The following CRADD variants were observed in gnomAD, a reference collection of about 807,000 sequenced individuals.
CRADD encodes the protein death domain-containing protein CRADD.
CRADD carries 9 observed loss-of-function variants against 15.5 expected under a neutral mutation model. The ratio of observed to expected loss-of-function variants is 0.58; its 90% CI spans 0.35 to 1.01. The LOEUF (loss-of-function observed/expected upper bound fraction) is 1.01. Ranked by LOEUF, CRADD falls within the 50% of genes least tolerant of loss-of-function variation. The pLI, the probability that CRADD is intolerant of heterozygous loss-of-function variation, is 0.02. For synonymous variants in CRADD, 118 were observed against 107.6 expected (o/e 1.10, Z -0.60); for missense variants, 227 against 250.3 (o/e 0.91, Z 0.63).
At chr12:93,702,044 C>A (rs896693991) in intron 2 of CRADD, among the ~76,000 whole-genome samples, 2 of 151,988 alleles carry the variant, frequency 1.3e-5, no homozygotes, top group Admixed American at 6.6e-5. Context: ...TTATCTAACG[C>A]TTCCCTAGCT....
rs145896698 is a variant in CRADD, at chr12:93,839,329, T to C, written c.299-10641T>C. ...TGTAGGAATTTTCCTGAGATGGAGA[T>C]ATCTATACCTATATCTATATCTCCC... On this transcript the variant is annotated intron_variant, in intron 2 of 2. Transcript: ENST00000332896. Among the ~76,000 whole-genome samples the C allele has an allele frequency of 2.9e-3, 440 of 152,340 alleles. 4 individuals are homozygous for C. The highest frequency in any genetic ancestry group is 9.9e-3 in the African/African-American group (412 of 41,590).
At chr12:93,714,291 T>C (rs1315079857) in intron 2 of CRADD, among the ~76,000 whole-genome samples, 1 of 152,196 alleles carries the variant, frequency 6.6e-6, no homozygotes, top group Non-Finnish European at 1.5e-5. Context: ...CTTGATGAAA[T>C]TGGGCAAAGG....
intron 2 of CRADD, among the ~76,000 whole-genome samples, chr12:93,743,462 C>G (rs1225304454): frequency 1.3e-5 from 2 of 152,082 alleles, no homozygotes; most frequent in African/African-American, 4.8e-5. Flanking sequence ...CTCCCCAGCA[C>G]CTGGGACCAC....
intron 2 of CRADD, among the ~76,000 whole-genome samples, chr12:93,828,889 G>T (rs1192823974): frequency 6.6e-6 from 1 of 152,138 alleles, no homozygotes; most frequent in African/African-American, 2.4e-5. Flanking sequence ...TTGATTGGAA[G>T]TCATTTTGAT....
chr12:93,875,895 C>T (rs917544544), intron 2 of CRADD, among the ~76,000 whole-genome samples: 15 of 152,030 alleles, frequency 9.9e-5, no homozygotes, highest in Admixed American at 2.0e-4. Context: ...GCGTACTTAC[C>T]ATTACCAGTG....
chr12:93,863,316 G>A (rs1336769818), intron 2 of CRADD, among the ~76,000 whole-genome samples: 2 of 152,286 alleles, frequency 1.3e-5, no homozygotes, highest in East Asian at 3.9e-4. Flanking sequence ...TCTGCGGTCT[G>A]TCCCCACGCT....
At position 93,788,238 on chromosome 12, in the gene CRADD, G is replaced by A. The variant is rs73363160; in HGVS notation, c.299-61732G>A. 1.9e-3 allele frequency among the ~76,000 whole-genome samples: 284 copies of A among 152,292 alleles called. 1 individual carries two copies. Among genetic ancestry groups the A allele is most frequent in the African/African-American group, 5.8e-3 (242 of 41,566 alleles). On this transcript the variant is annotated intron_variant, in intron 2 of 2. Coordinates refer to ENST00000332896, the MANE Select transcript of CRADD (RefSeq NM_003805.5). The stretch of plus-strand genomic sequence containing the variant: ...TATGGTGGAAGGCACCTCTTCACAA[G>A]GTGGCAGGAGAGAGAATGAGTACCC...
At chr12:93,812,638 T>A (rs912183487) in intron 2 of CRADD, among the ~76,000 whole-genome samples, 1 of 152,254 alleles carries the variant, frequency 6.6e-6, no homozygotes, top group Non-Finnish European at 1.5e-5. Flanking sequence ...AAAATCCAGC[T>A]GGTTGCTAAA....
intron 2 of CRADD, among the ~76,000 whole-genome samples, chr12:93,877,994 C>T (rs144428116): frequency 1.8e-4 from 27 of 152,254 alleles, no homozygotes; most frequent in African/African-American, 5.5e-4. Flanking sequence ...AGAGGCCCAC[C>T]CAAGGCCCCC....
At chr12:93,809,301 C>T (rs1957591906) in intron 2 of CRADD, among the ~76,000 whole-genome samples, 1 of 151,982 alleles carries the variant, frequency 6.6e-6, no homozygotes, top group African/African-American at 2.4e-5. Context: ...GAAAATACAC[C>T]AGGTTTATTC....
chr12:93,706,650 C>T (rs1228010654), intron 2 of CRADD, among the ~76,000 whole-genome samples: 1 of 152,076 alleles, frequency 6.6e-6, no homozygotes, highest in African/African-American at 2.4e-5. Flanking sequence ...GGTAAAACTG[C>T]CTACTCATTT....
intron 2 of CRADD, among the ~76,000 whole-genome samples, chr12:93,751,016 A>T (rs1956822815): frequency 6.6e-6 from 1 of 152,212 alleles, no homozygotes; most frequent in South Asian, 2.1e-4. Context: ...CACTGAACTG[A>T]CCTGGTAACT....
chr12:93,844,042 G>C (rs1319999564), intron 2 of CRADD, among the ~76,000 whole-genome samples: 1 of 152,078 alleles, frequency 6.6e-6, no homozygotes, highest in Non-Finnish European at 1.5e-5. Flanking sequence ...ATTTTTAACT[G>C]ACTTTTAAGT....
chr12:93,875,378 G>A (rs1006722426), intron 2 of CRADD, among the ~76,000 whole-genome samples: 3 of 151,896 alleles, frequency 2.0e-5, no homozygotes, highest in Non-Finnish European at 4.4e-5. Flanking sequence ...TTTGATTGGG[G>A]AGTTTAGTCT....
At chr12:93,712,184 A>G (rs1050550987) in intron 2 of CRADD, among the ~76,000 whole-genome samples, 3 of 152,192 alleles carry the variant, frequency 2.0e-5, no homozygotes, top group African/African-American at 7.2e-5. Flanking sequence ...AAAGAGGTAC[A>G]TACTTCGTAG....
chr12:93,692,071 C>T lies in CRADD; in HGVS notation c.298+12999C>T, dbSNP rs150785454. 4.1e-4 allele frequency among the ~76,000 whole-genome samples: 62 copies of T among 151,380 alleles called. No individual in the cohort carries two copies. In the East Asian group the frequency reaches 8.9e-3, roughly 22 times the overall value. ...AAAAATTAAAATTAAATTCTGGAGC[C>T]GAAATAAAAATTAATGGACTGAAAA... is the stretch of plus-strand genomic sequence containing the variant. On this transcript the variant is annotated intron_variant, in intron 2 of 2. Transcript: ENST00000332896.
chr12:93,716,327 C>T (rs1956162480), intron 2 of CRADD, among the ~76,000 whole-genome samples: 1 of 152,118 alleles, frequency 6.6e-6, no homozygotes, highest in South Asian at 2.1e-4. Context: ...GTCTACAGTT[C>T]CCAGGAGAGG....
intron 2 of CRADD, among the ~76,000 whole-genome samples, chr12:93,679,670 T>G (rs1327493547): frequency 2.0e-5 from 3 of 152,104 alleles, no homozygotes; most frequent in Non-Finnish European, 4.4e-5. Flanking sequence ...GCATGTCACT[T>G]GGGAAGCATG....
At chr12:93,779,494 G>T (rs897322710) in intron 2 of CRADD, among the ~76,000 whole-genome samples, 1 of 150,362 alleles carries the variant, frequency 6.7e-6, no homozygotes, top group African/African-American at 2.4e-5. Context: ...CTTGAAAAGA[G>T]TACAAAAAAA....
Sources: gnomAD v4.1 joint callset for allele counts (sites outside exome capture counted in the v4.1 genomes callset) on GRCh38, gnomAD v4.1.1 for gene constraint, MANE v1.5 for transcripts, NCBI Gene and HGNC (gene_info 2026-07-23, HGNC 2026-07-21) for gene names.